Variants in SMAD3 observed in about 807,000 individuals in gnomAD.
The protein encoded by SMAD3 is MAD homolog 3.
A neutral mutation model predicts 51.8 loss-of-function variants in SMAD3; 12 were observed. That is an observed-to-expected ratio of 0.23 (90% confidence interval 0.15 to 0.38). SMAD3 has a LOEUF of 0.38. SMAD3 is among the 10% of genes least tolerant of loss of function. The probability of loss-of-function intolerance (pLI) is 1.00; values close to 1 mark genes in which losing one functional copy is unlikely to be tolerated. For synonymous variants in SMAD3, 238 were observed against 227.7 expected, an observed-to-expected ratio of 1.05 and a Z score of -0.41; for missense variants, 294 against 565.6, an observed-to-expected ratio of 0.52 and a Z score of 4.87.
At chr15:67,187,227 A>G in intron 7 of SMAD3, 138 bp from the exon 8 acceptor site, 1 of 1,007,832 alleles carries the variant, frequency 9.9e-7, no homozygotes, top group Non-Finnish European at 1.6e-6. Flanking sequence ...GTGTGTGGCA[A>G]ATGCATCACA....
chr15:67,082,262 C>T (rs1375956696), intron 1 of SMAD3, among the ~76,000 whole-genome samples: 1 of 152,144 alleles, frequency 6.6e-6, no homozygotes, highest in East Asian at 1.9e-4. Flanking sequence ...AGCAGGGGGA[C>T]TGTCTGGGCC....
intron 1 of SMAD3, among the ~76,000 whole-genome samples, chr15:67,106,179 C>A (rs780894430): frequency 2.0e-5 from 3 of 152,174 alleles, no homozygotes; most frequent in Non-Finnish European, 2.9e-5. Flanking sequence ...TGGGCCCATT[C>A]TCCACCGGCA....
At chr15:67,178,082 T>C (rs527561665) in intron 5 of SMAD3, among the ~76,000 whole-genome samples, 85 of 152,300 alleles carry the variant, frequency 5.6e-4, no homozygotes, top group African/African-American at 1.9e-3. Context: ...GTTCCTAGTG[T>C]CCGGGGTTTT....
intron 1 of SMAD3, among the ~76,000 whole-genome samples, chr15:67,082,339 T>C (rs1307156628): frequency 1.3e-5 from 2 of 152,158 alleles, no homozygotes; most frequent in Non-Finnish European, 2.9e-5. Context: ...TTTCAAGCAG[T>C]TGCGATTTCT....
intron 1 of SMAD3, among the ~76,000 whole-genome samples, chr15:67,101,224 A>G (rs915758310): frequency 2.0e-5 from 3 of 152,190 alleles, no homozygotes; most frequent in Non-Finnish European, 4.4e-5. Flanking sequence ...GCCATGTGAC[A>G]CTGCTTCTTC....
At chr15:67,162,946 GTGATGATGATGATGATGATGATGA>G (rs57597599) in intron 1 of SMAD3, among the ~76,000 whole-genome samples, 1 of 145,348 alleles carries the variant, frequency 6.9e-6, no homozygotes, top group South Asian at 2.2e-4. Flanking sequence ...GTAGGTTTCT[GTGATGATGATGATGATGATGATGA>G]TGATGATGAT....
chr15:67,186,164 G>C (rs1461741121), intron 7 of SMAD3, among the ~76,000 whole-genome samples: 2 of 152,260 alleles, frequency 1.3e-5, no homozygotes, highest in Non-Finnish European at 2.9e-5. Context: ...CAGCTAGTAA[G>C]TGGCCAAGCC....
chr15:67,093,167 A>G (rs1451554650), intron 1 of SMAD3, among the ~76,000 whole-genome samples: 2 of 152,236 alleles, frequency 1.3e-5, no homozygotes, highest in African/African-American at 4.8e-5. Context: ...GTGTCAGGAC[A>G]GGACTCCTGG....
At chr15:67,181,661 G>A (rs1031345251) in intron 6 of SMAD3, among the ~76,000 whole-genome samples, 1 of 152,078 alleles carries the variant, frequency 6.6e-6, no homozygotes, top group Admixed American at 6.5e-5. Flanking sequence ...CAGACAGGTA[G>A]TGTTCAGGCC....
chr15:67,125,935 C>T (rs1424135619), intron 1 of SMAD3: 1 of 985,380 alleles, frequency 1.0e-6, no homozygotes, highest in African/African-American at 1.7e-5. Flanking sequence ...CAGGATGGGA[C>T]AACTGCATGG....
At chr15:67,109,380 T>A (rs1240748150) in intron 1 of SMAD3, among the ~76,000 whole-genome samples, 1 of 152,140 alleles carries the variant, frequency 6.6e-6, no homozygotes, top group East Asian at 1.9e-4. Flanking sequence ...GTGGCCCTCA[T>A]CTGTAAAATG....
intron 1 of SMAD3, among the ~76,000 whole-genome samples, chr15:67,151,594 G>A (rs1258197903): frequency 6.6e-6 from 1 of 152,184 alleles, no homozygotes; most frequent in African/African-American, 2.4e-5. Flanking sequence ...GCCTCGCAAA[G>A]TGCTGGGATT....
intron 1 of SMAD3, among the ~76,000 whole-genome samples, chr15:67,139,102 C>T (rs1566981053): frequency 6.6e-6 from 1 of 152,186 alleles, no homozygotes; most frequent in Non-Finnish European, 1.5e-5. Context: ...ATATCTGAGG[C>T]AGCTACCAAA....
At chr15:67,173,567 T>C (rs902754834) in intron 5 of SMAD3, among the ~76,000 whole-genome samples, 3 of 152,052 alleles carry the variant, frequency 2.0e-5, no homozygotes, top group Admixed American at 6.6e-5. Flanking sequence ...AAATGGCAGG[T>C]GGGGCACTGG....
At chr15:67,078,140 A>G (rs1445572461) in intron 1 of SMAD3, 1 of 152,272 alleles carries the variant, frequency 6.6e-6, no homozygotes, top group Non-Finnish European at 1.5e-5. Context: ...GAGAGAAGAC[A>G]TGTTGTTCAG....
chr15:67,127,370 C>T (rs189671252), intron 1 of SMAD3, among the ~76,000 whole-genome samples: 224 of 152,318 alleles, frequency 1.5e-3, no homozygotes, highest in African/African-American at 5.2e-3. Flanking sequence ...GCCATCAGAA[C>T]GTCCTCCAGT....
chr15:67,125,705 C>T, intron 1 of SMAD3: 1 of 985,562 alleles, frequency 1.0e-6, no homozygotes, highest in Non-Finnish European at 1.2e-6. Context: ...CCCAGGGGAG[C>T]AAACGGCCTG....
chr15:67,164,757 G>T (rs1042765116), intron 1 of SMAD3, 138 bp from the exon 2 acceptor site: 13 of 930,790 alleles, frequency 1.4e-5, no homozygotes, highest in Non-Finnish European at 2.1e-5. Flanking sequence ...GCAGTGCTCT[G>T]ATCTCCTGGA....
chr15:67,108,076 G>C (rs1960921525), intron 1 of SMAD3, among the ~76,000 whole-genome samples: 1 of 151,372 alleles, frequency 6.6e-6, no homozygotes, highest in Non-Finnish European at 1.5e-5. Flanking sequence ...GTGGTTCCTA[G>C]TGCTTCGGGG....
Sources: allele counts gnomAD v4.1 joint callset (sites outside exome capture counted in the v4.1 genomes callset), GRCh38; gene constraint gnomAD v4.1.1; transcripts MANE v1.5; gene names NCBI Gene and HGNC (gene_info 2026-07-23, HGNC 2026-07-21).